Variants in NSMAF observed in about 807,000 individuals in gnomAD.
NSMAF encodes neutral sphingomyelinase activation associated factor.
NSMAF carries 90 observed loss-of-function variants against 134.9 expected under a neutral mutation model. The ratio of observed to expected loss-of-function variants is 0.67; its 90% CI spans 0.56 to 0.79. The LOEUF (loss-of-function observed/expected upper bound fraction) is 0.79, where lower values mean the gene tolerates loss of function less well. Ranked by LOEUF, NSMAF falls within the 30% of genes least tolerant of loss-of-function variation. NSMAF has a pLI of 0.00. For missense variants in NSMAF, 1,010 were observed against 1,119.0 expected (o/e 0.90, Z 1.39); for synonymous variants, 358 against 389.6 (o/e 0.92, Z 0.96).
intron 25 of NSMAF, chr8:58,589,788 A>G (rs1159749753): frequency 3.2e-6 from 2 of 631,936 alleles, no homozygotes; most frequent in Non-Finnish European, 5.1e-6. Flanking sequence ...TTTCTCCTCA[A>G]TTTAAAACTT....
intron 9 of NSMAF, among the ~76,000 whole-genome samples, chr8:58,619,092 T>G (rs1806727904): frequency 1.3e-5 from 2 of 152,164 alleles, no homozygotes; most frequent in Admixed American, 6.6e-5. Flanking sequence ...CTTATTATTA[T>G]TCCCTTTCCT....
chr8:58,626,491 A>G (rs1303639263), intron 6 of NSMAF, among the ~76,000 whole-genome samples: 2 of 152,212 alleles, frequency 1.3e-5, no homozygotes, highest in Non-Finnish European at 2.9e-5. Flanking sequence ...TGAGTTATTT[A>G]ACTTAGAGTA....
At chr8:58,626,075 A>C in intron 6 of NSMAF, among the ~76,000 whole-genome samples, 1 of 136,310 alleles carries the variant, frequency 7.3e-6, no homozygotes, top group African/African-American at 2.7e-5. Flanking sequence ...AAGCCCCCAA[A>C]GTCCATTATA....
chr8:58,607,078 A>G (rs2680897), intron 11 of NSMAF, among the ~76,000 whole-genome samples: 71,273 of 152,092 alleles, frequency 0.47, 18,164 homozygotes, highest in Admixed American at 0.6. Flanking sequence ...TAAAAGCACA[A>G]AAATAAGAAT....
At chr8:58,616,063 T>A (rs1023048665) in intron 9 of NSMAF, among the ~76,000 whole-genome samples, 1 of 152,156 alleles carries the variant, frequency 6.6e-6, no homozygotes, top group African/African-American at 2.4e-5. Flanking sequence ...GACAATTTAT[T>A]TGAAAAACAC....
intron 1 of NSMAF, among the ~76,000 whole-genome samples, chr8:58,647,914 T>C (rs1807498031): frequency 1.3e-5 from 2 of 152,096 alleles, no homozygotes; most frequent in Admixed American, 1.3e-4. Context: ...CGTAAAGACA[T>C]GGAAGCAGCT....
At chr8:58,656,551 G>A (rs192848414) in intron 1 of NSMAF, among the ~76,000 whole-genome samples, 2 of 152,238 alleles carry the variant, frequency 1.3e-5, no homozygotes, top group Admixed American at 1.3e-4. Flanking sequence ...TAAGGGCCGG[G>A]CACGGTGGCT....
At chr8:58,656,050 G>A (rs1045730781) in intron 1 of NSMAF, among the ~76,000 whole-genome samples, 4 of 151,470 alleles carry the variant, frequency 2.6e-5, no homozygotes, top group African/African-American at 4.9e-5. Flanking sequence ...ATGGAGTCTC[G>A]CTCTGTCGCC....
intron 1 of NSMAF, among the ~76,000 whole-genome samples, chr8:58,648,087 TG>T (rs1316112110): frequency 2.6e-5 from 4 of 152,240 alleles, no homozygotes; most frequent in African/African-American, 7.2e-5. Context: ...CGGTCTCAGA[TG>T]GAAATGAGGA....
intron 1 of NSMAF, among the ~76,000 whole-genome samples, chr8:58,643,566 C>A (rs1414833958): frequency 2.7e-5 from 4 of 149,102 alleles, no homozygotes. Context: ...GAGTTTCACT[C>A]TTGTTGCCCA....
intron 19 of NSMAF, 32 bp from the exon 20 acceptor site, chr8:58,597,934 A>G (rs1246914446): frequency 6.6e-7 from 1 of 1,519,518 alleles, no homozygotes; most frequent in Non-Finnish European, 9.1e-7. Context: ...CTATTGAAAG[A>G]TGTGCTATTT....
intron 2 of NSMAF, among the ~76,000 whole-genome samples, chr8:58,639,747 T>C (rs571162507): frequency 5.3e-5 from 8 of 152,094 alleles, no homozygotes; most frequent in Non-Finnish European, 1.0e-4. Context: ...ATATGATATA[T>C]ATATGAATAT....
intron 9 of NSMAF, among the ~76,000 whole-genome samples, chr8:58,615,676 G>C (rs1188455352): frequency 6.6e-6 from 1 of 152,120 alleles, no homozygotes; most frequent in Non-Finnish European, 1.5e-5. Context: ...TGTTGCAAAA[G>C]CAGTGCTTAA....
chr8:58,647,714 C>G (rs530251189), intron 1 of NSMAF, among the ~76,000 whole-genome samples: 1 of 152,300 alleles, frequency 6.6e-6, no homozygotes, highest in Admixed American at 6.5e-5. Context: ...ATAGTAAAAG[C>G]TCCCTGAGGC....
At chr8:58,614,898 CAG>C (rs1341373809) in intron 9 of NSMAF, among the ~76,000 whole-genome samples, 1 of 151,934 alleles carries the variant, frequency 6.6e-6, no homozygotes, top group Admixed American at 6.6e-5. Flanking sequence ...TATTGAAAAG[CAG>C]AGATTGTCAG....
intron 1 of NSMAF, among the ~76,000 whole-genome samples, chr8:58,648,150 C>T (rs1807503889): frequency 6.6e-6 from 1 of 152,158 alleles, no homozygotes; most frequent in Admixed American, 6.5e-5. Flanking sequence ...TAGCAAAGAA[C>T]TTGGCTGCAT....
intron 1 of NSMAF, among the ~76,000 whole-genome samples, chr8:58,646,058 T>C (rs560897519): frequency 1.3e-5 from 2 of 151,434 alleles, no homozygotes; most frequent in Admixed American, 6.6e-5. Context: ...ATCATCATCA[T>C]CATCATCATC....
chr8:58,629,534 C>T (rs1247306400), intron 6 of NSMAF, among the ~76,000 whole-genome samples: 1 of 152,054 alleles, frequency 6.6e-6, no homozygotes, highest in Admixed American at 6.5e-5. Context: ...GGGTTGGTTT[C>T]TGAAAATTTA....
At chr8:58,587,468 T>A in intron 27 of NSMAF, 150 bp downstream of exon 27, 7 of 597,808 alleles carry the variant, frequency 1.2e-5, no homozygotes, top group South Asian at 2.2e-5. Context: ...ACCTAAAGAG[T>A]CAACACAAAG....
Sources: allele counts gnomAD v4.1 joint callset (sites outside exome capture counted in the v4.1 genomes callset), GRCh38; gene constraint gnomAD v4.1.1; transcripts MANE v1.5; gene names NCBI Gene and HGNC (gene_info 2026-07-23, HGNC 2026-07-21).